Variants in DYSF observed in about 807,000 individuals in gnomAD.
DYSF encodes the protein dysferlin, also known as dystrophy-associated fer-1-like 1.
DYSF carries 212 observed loss-of-function variants against 274.9 expected under a neutral mutation model. That is an observed-to-expected ratio of 0.77 (90% CI 0.69 to 0.86). DYSF has a LOEUF of 0.86. DYSF is among the 40% of genes least tolerant of loss of function. The probability of loss-of-function intolerance (pLI) is 0.00; values close to 1 mark genes in which losing one functional copy is unlikely to be tolerated. For missense variants in DYSF, 2,666 were observed against 2,783.2 expected, an observed-to-expected ratio of 0.96 and a Z score of 0.95; for synonymous variants, 1,091 against 1,078.7, an observed-to-expected ratio of 1.01 and a Z score of -0.22.
At chr2:71,658,486 T>C (rs2094816602) in intron 43 of DYSF, among the ~76,000 whole-genome samples, 1 of 152,206 alleles carries the variant, frequency 6.6e-6, no homozygotes, top group Non-Finnish European at 1.5e-5. Flanking sequence ...TTTACTGTAT[T>C]ATTCTGTTTT....
In DYSF at chr2:71,589,539, T is replaced by G. The variant is rs112689868; in HGVS notation, c.3403-54T>G. 851 of 1,482,550 alleles carry G rather than the reference T, an allele frequency of 5.7e-4. 5 individuals are homozygous for G. The African/African-American group carries it at 0.011, about 18-fold the overall frequency. The allele number at this position is 1,482,550 out of a possible 1,614,324, so 91.8% of individuals were successfully genotyped here. ...ATCTAACTCTCTGGGCTAGTCTCCC[T>G]GCCACCCCCAGGCCTGGGGGCAGAA... On this transcript the variant is annotated intron_variant, in intron 30 of 55. Transcript: ENST00000410020.
intron 42 of DYSF, among the ~76,000 whole-genome samples, chr2:71,647,186 A>G (rs978219017): frequency 4.6e-5 from 7 of 152,180 alleles, no homozygotes; most frequent in Non-Finnish European, 1.0e-4. Context: ...AATACATAAG[A>G]AGATAAAAGA....
chr2:71,595,870 C>T (rs2093392113), intron 32 of DYSF, among the ~76,000 whole-genome samples: 1 of 152,198 alleles, frequency 6.6e-6, no homozygotes, highest in South Asian at 2.1e-4. Flanking sequence ...CCTCACCTTC[C>T]CCTCCACCGC....
chr2:71,584,548 C>T (rs2093000515), intron 30 of DYSF, among the ~76,000 whole-genome samples: 1 of 152,180 alleles, frequency 6.6e-6, no homozygotes, highest in Admixed American at 6.5e-5. Context: ...CTGTCTGATG[C>T]ACCTTGCCTG....
chr2:71,622,130 G>GTGTTT (rs775688599), intron 41 of DYSF, among the ~76,000 whole-genome samples: 1 of 97,004 alleles, frequency 1.0e-5, no homozygotes, highest in African/African-American at 3.9e-5. Flanking sequence ...TGATTTCTTT[G>GTGTTT]TTTTTTTTTT....
At chr2:71,617,955 G>C (rs2093945405) in intron 40 of DYSF, among the ~76,000 whole-genome samples, 1 of 130,944 alleles carries the variant, frequency 7.6e-6, no homozygotes, top group African/African-American at 2.8e-5. Flanking sequence ...GAGGTGGTGT[G>C]TGTGTTTGGT....
At position 71,520,189 on chromosome 2, in the gene DYSF, C is replaced by A. The variant is rs1249691072; in HGVS notation, c.1014C>A (p.Gly338=). 6.2e-7 allele frequency: 1 copy of A among 1,614,162 alleles called. No individual in the cohort carries two copies. The highest frequency in any genetic ancestry group is 8.5e-7 in the Non-Finnish European group (1 of 1,180,036). Residue 338 remains glycine, a synonymous_variant, in exon 11 of 56, where the codon GGC becomes GGA. Transcript: ENST00000410020. ...ALLGEFRMDV[G]TIYREPRHAY... is the part of the protein sequence containing the mutation. ...CTCATTGATTGCAGATGGACGTGGG[C>A]ACCATTTACAGAGAGCCCCGTGAGT... is the stretch of plus-strand genomic sequence containing the variant.
intron 16 of DYSF, among the ~76,000 whole-genome samples, chr2:71,537,246 T>TTTTTTTTG (rs2089466433): frequency 1.4e-5 from 2 of 142,850 alleles, no homozygotes; most frequent in Admixed American, 6.9e-5. Context: ...TTTTTTTTTT[T>TTTTTTTTG]GCGGGGGGCG....
rs756090825 is a variant in DYSF at position 71,658,910 on chromosome 2, C to G, written c.4788C>G (p.Asp1596Glu). 4 of 1,614,176 alleles carry G rather than the reference C, an allele frequency of 2.5e-6. No homozygotes were observed. In the Admixed American group the frequency reaches 6.7e-5, roughly 27 times the overall value. The change falls in exon 44 of 56, where the codon GAC becomes GAG. Residue 1596 changes from aspartate to glutamate, a missense_variant. Physicochemically the swap from Asp to Glu is conservative, Grantham distance 45. Transcript: ENST00000410020. ...GLFKIYPLPE[D>E]PAIPMPPRQF... ...TCAAAATTTATCCCCTCCCAGAAGA[C>G]CCAGCCATCCCCATGCCCCCAAGAC...
intron 22 of DYSF, among the ~76,000 whole-genome samples, chr2:71,558,449 CG>C (rs991416346): frequency 6.6e-6 from 1 of 152,128 alleles, no homozygotes; most frequent in African/African-American, 2.4e-5. Context: ...AGGGCATCCC[CG>C]GGGCCCCAGA....
chr2:71,686,397 T>TGGCTGTGCCTGCCCC, intron 55 of DYSF, 57 bp from the exon 56 acceptor site: 2 of 1,606,700 alleles, frequency 1.2e-6, no homozygotes, highest in Non-Finnish European at 1.7e-6. Flanking sequence ...ACAGCTGCTC[T>TGGCTGTGCCTGCCCC]GGCTGTGCCT....
intron 4 of DYSF, among the ~76,000 whole-genome samples, chr2:71,508,985 T>G (rs1386294366): frequency 6.6e-6 from 1 of 152,118 alleles, no homozygotes. Context: ...CCCAAGTAGC[T>G]GGGATTACAG....
At chr2:71,604,147 T>C (rs1285613688) in intron 36 of DYSF, among the ~76,000 whole-genome samples, 1 of 151,990 alleles carries the variant, frequency 6.6e-6, no homozygotes, top group Non-Finnish European at 1.5e-5. Flanking sequence ...CCCAGTGGGA[T>C]GAATGATCTG....
chr2:71,454,574 G>A (rs2080972996), intron 1 of DYSF, among the ~76,000 whole-genome samples: 1 of 152,194 alleles, frequency 6.6e-6, no homozygotes, highest in African/African-American at 2.4e-5. Context: ...GCCACTGGAG[G>A]CGAAGGCACC....
intron 30 of DYSF, among the ~76,000 whole-genome samples, chr2:71,580,766 T>C (rs1449995822): frequency 2.6e-5 from 4 of 152,348 alleles, no homozygotes; most frequent in African/African-American, 9.6e-5. Context: ...CTGCTCTTCC[T>C]ACTGCCCCTC....
intron 1 of DYSF, among the ~76,000 whole-genome samples, chr2:71,467,668 G>C (rs1236643121): frequency 2.0e-5 from 3 of 152,142 alleles, no homozygotes; most frequent in African/African-American, 7.2e-5. Flanking sequence ...AAAGGGAAGA[G>C]GAAGGATCTG....
chr2:71,621,226 G>C (rs1270384469), intron 41 of DYSF, among the ~76,000 whole-genome samples: 1 of 152,106 alleles, frequency 6.6e-6, no homozygotes, highest in Non-Finnish European at 1.5e-5. Flanking sequence ...GTGAGGGCCA[G>C]TGGGAGCCCC....
chr2:71,643,892 G>A, intron 41 of DYSF, 73 bp from the exon 42 acceptor site: 1 of 1,233,060 alleles, frequency 8.1e-7, no homozygotes, highest in East Asian at 2.5e-5. Flanking sequence ...GCGGAGGGAG[G>A]GTTTCCAACT....
At chr2:71,526,100 C>A in intron 12 of DYSF, 120 bp from the exon 13 acceptor site, 2 of 1,554,868 alleles carry the variant, frequency 1.3e-6, no homozygotes, top group African/African-American at 1.4e-5. Context: ...AGTGTCGGAG[C>A]GCAGTCTGCC....
Sources: allele counts gnomAD v4.1 joint callset (sites outside exome capture counted in the v4.1 genomes callset), GRCh38; gene constraint gnomAD v4.1.1; transcripts MANE v1.5; gene names NCBI Gene and HGNC (gene_info 2026-07-23, HGNC 2026-07-21).